The following SORBS2 variants were observed in gnomAD, a reference collection of about 807,000 sequenced individuals.
The protein encoded by SORBS2 is sorbin and SH3 domain containing 2, also known as sorbin and SH3 domain-containing protein 2.
SORBS2 carries 46 observed loss-of-function variants against 97.7 expected under a neutral mutation model. The observed-to-expected ratio is 0.47, with a 90% confidence interval of 0.37 to 0.60. The LOEUF (loss-of-function observed/expected upper bound fraction) is 0.60, where lower values mean the gene tolerates loss of function less well. Ranked by LOEUF, SORBS2 falls within the 20% of genes least tolerant of loss-of-function variation. SORBS2 has a pLI of 0.00. For missense variants in SORBS2, 1,316 were observed against 1,282.3 expected, an observed-to-expected ratio of 1.03 and a Z score of -0.40; for synonymous variants, 476 against 473.4, an observed-to-expected ratio of 1.01 and a Z score of -0.07.
chr4:185,916,547 T>C (rs1377865663), intron 1 of SORBS2, among the ~76,000 whole-genome samples: 1 of 152,182 alleles, frequency 6.6e-6, no homozygotes, highest in East Asian at 1.9e-4. Flanking sequence ...AGTGGCCTGG[T>C]ATAAAAAGAG....
intron 11 of SORBS2, among the ~76,000 whole-genome samples, chr4:185,613,445 C>T (rs1248293749): frequency 1.3e-5 from 2 of 151,948 alleles, no homozygotes; most frequent in African/African-American, 4.8e-5. Flanking sequence ...GTCAGGAGTT[C>T]GAGACCAGCC....
At chr4:185,771,651 T>C (rs1050136635) in intron 2 of SORBS2, 4 of 152,364 alleles carry the variant, frequency 2.6e-5, no homozygotes, top group African/African-American at 9.6e-5. Flanking sequence ...GTCTGTTTTA[T>C]TGAATATATA....
chr4:185,612,211 G>A (rs2096549998), intron 11 of SORBS2, among the ~76,000 whole-genome samples: 1 of 152,160 alleles, frequency 6.6e-6, no homozygotes, highest in African/African-American at 2.4e-5. Context: ...TCTTCCCTAA[G>A]GATGCCTGAT....
rs527791835 is a variant in SORBS2, at chr4:185,784,238, T to C, written c.-337-8872A>G. ...GCTCTGCCTCCCGGGTTCACACCAT[T>C]CTCCTGCCTCAGCCTCCCGAGTAGC... On this transcript the variant is annotated intron_variant, in intron 1 of 20. Transcript: ENST00000284776. Among the ~76,000 whole-genome samples, 6 of 152,160 alleles carry C rather than the reference T, an allele frequency of 3.9e-5. No individual in the cohort carries two copies. The East Asian group carries it at 1.2e-3, about 29-fold the overall frequency.
intron 2 of SORBS2, among the ~76,000 whole-genome samples, chr4:185,693,829 A>T (rs1457113139): frequency 2.0e-5 from 3 of 152,272 alleles, no homozygotes. Flanking sequence ...GCCGATATTT[A>T]CAGAATATCT....
chr4:185,804,369 G>A (rs900659685), intron 1 of SORBS2, among the ~76,000 whole-genome samples: 14 of 152,310 alleles, frequency 9.2e-5, no homozygotes, highest in South Asian at 4.1e-4. Context: ...GTAAAAACAC[G>A]TAAACAAGAC....
intron 4 of SORBS2, among the ~76,000 whole-genome samples, chr4:185,637,130 C>T (rs1208087980): frequency 6.6e-6 from 1 of 152,242 alleles, no homozygotes; most frequent in East Asian, 1.9e-4. Context: ...TAGGTACAGT[C>T]ATGTGTTGCA....
intron 2 of SORBS2, among the ~76,000 whole-genome samples, chr4:185,690,840 T>C (rs909796349): frequency 1.3e-5 from 2 of 152,206 alleles, no homozygotes; most frequent in African/African-American, 4.8e-5. Flanking sequence ...TTTATGCTTT[T>C]GTTTAATGGT....
At chr4:185,734,731 C>T (rs897304324) in intron 2 of SORBS2, among the ~76,000 whole-genome samples, 1 of 152,142 alleles carries the variant, frequency 6.6e-6, no homozygotes, top group Non-Finnish European at 1.5e-5. Context: ...AAGTCATTTC[C>T]AGCATTTTAA....
chr4:185,880,673 C>T (rs559954541), intron 1 of SORBS2, among the ~76,000 whole-genome samples: 2 of 152,328 alleles, frequency 1.3e-5, no homozygotes, highest in Admixed American at 1.3e-4. Flanking sequence ...TATTTTCTCA[C>T]CCCTTTCCAT....
At position 185,748,890 on chromosome 4, in the gene SORBS2, C is replaced by A. The variant is rs79326241; in HGVS notation, c.-198+26337G>T. 2.2e-3 allele frequency among the ~76,000 whole-genome samples: 340 copies of A among 152,254 alleles called. 2 individuals carry two copies. Among genetic ancestry groups the A allele is most frequent in the Non-Finnish European group, 1.8e-3 (123 of 68,022 alleles). ...CTTCTGTGCCCTACTCCAAGAAGCA[C>A]CTTTCCACCTGAGAATGAGGGGCCC... On this transcript the variant is annotated intron_variant, in intron 2 of 20. Coordinates refer to the SORBS2 transcript ENST00000284776.
At chr4:185,656,600 G>A in intron 1 of SORBS2, 2 of 1,532,812 alleles carry the variant, frequency 1.3e-6, no homozygotes, top group Non-Finnish European at 1.8e-6. Context: ...CTCCCCGCAT[G>A]GCCCCCAACT....
chr4:185,806,474 T>TGAGACGGAG, intron 1 of SORBS2, among the ~76,000 whole-genome samples: 1 of 78,464 alleles, frequency 1.3e-5, no homozygotes. Context: ...TTTTTTTTTT[T>TGAGACGGAG]TGAGACGGAG....
intron 2 of SORBS2, among the ~76,000 whole-genome samples, chr4:185,731,854 CTCTCTCTCTCTCTATATA>C (rs1307052355): frequency 8.9e-5 from 3 of 33,776 alleles, no homozygotes; most frequent in African/African-American, 2.5e-4. Flanking sequence ...CTCTCTCTCT[CTCTCTCTCTCTCTATATA>C]TATATATATA....
chr4:185,667,694 A>ATATAT, intron 4 of SORBS2, among the ~76,000 whole-genome samples: 1 of 6,228 alleles, frequency 1.6e-4, no homozygotes, highest in Non-Finnish European at 5.3e-3. Flanking sequence ...TGTGATATAT[A>ATATAT]TATATATATA....
At chr4:185,740,082 G>C (rs183967153) in intron 2 of SORBS2, 1 of 152,596 alleles carries the variant, frequency 6.6e-6, no homozygotes, top group Non-Finnish European at 1.5e-5. Flanking sequence ...AATCAGCATC[G>C]CGATGCCCTC....
intron 12 of SORBS2, among the ~76,000 whole-genome samples, chr4:185,602,267 C>G (rs1318382817): frequency 1.3e-5 from 2 of 152,174 alleles, no homozygotes; most frequent in African/African-American, 4.8e-5. Context: ...CTTGGCCTCT[C>G]AAAGTGCTGG....
chr4:185,887,834 T>A (rs1301980350), intron 1 of SORBS2, among the ~76,000 whole-genome samples: 5 of 152,106 alleles, frequency 3.3e-5, no homozygotes, highest in African/African-American at 1.2e-4. Context: ...TAACAAATTA[T>A]CCAATTTATT....
At chr4:185,730,683 T>C (rs919304838) in intron 2 of SORBS2, among the ~76,000 whole-genome samples, 31 of 152,222 alleles carry the variant, frequency 2.0e-4, no homozygotes, top group African/African-American at 7.2e-4. Flanking sequence ...GTTGCAGTAG[T>C]AAGTTTGCAC....
Sources: allele counts gnomAD v4.1 joint callset (sites outside exome capture counted in the v4.1 genomes callset), GRCh38; gene constraint gnomAD v4.1.1; transcripts MANE v1.5; gene names NCBI Gene and HGNC (gene_info 2026-07-23, HGNC 2026-07-21).